The following FARS2 variants were observed in gnomAD, a reference collection of about 807,000 sequenced individuals.
The protein encoded by FARS2 is phenylalanine--tRNA ligase, mitochondrial.
In FARS2, 40 loss-of-function variants were observed where a neutral mutation model predicts 46.4. The ratio of observed to expected loss-of-function variants is 0.86; its 90% CI spans 0.67 to 1.12. The LOEUF (loss-of-function observed/expected upper bound fraction) is 1.12, where lower values mean the gene tolerates loss of function less well. FARS2 is among the 50% of genes most tolerant of loss of function. FARS2 has a pLI of 0.00. For synonymous variants in FARS2, 234 were observed against 214.9 expected (o/e 1.09, Z -0.78); for missense variants, 513 against 567.9 (o/e 0.90, Z 0.98).
chr6:5,444,720 C>A (rs913338178), intron 4 of FARS2, among the ~76,000 whole-genome samples: 1 of 152,090 alleles, frequency 6.6e-6, no homozygotes, highest in Admixed American at 6.5e-5. Context: ...GGTGGGTGGA[C>A]CCCCCACTCC....
chr6:5,713,616 G>A (rs1267479720), intron 6 of FARS2, among the ~76,000 whole-genome samples: 4 of 152,240 alleles, frequency 2.6e-5, no homozygotes, highest in African/African-American at 7.2e-5. Context: ...TCAGGACTCC[G>A]GATTGCTTTG....
chr6:5,416,020 A>G (rs984059627), intron 3 of FARS2, among the ~76,000 whole-genome samples: 1 of 152,048 alleles, frequency 6.6e-6, no homozygotes, highest in Non-Finnish European at 1.5e-5. Context: ...TTATCTTTTT[A>G]TTGATTTTTG....
intron 3 of FARS2, among the ~76,000 whole-genome samples, chr6:5,429,483 G>A (rs979301950): frequency 1.3e-5 from 2 of 151,702 alleles, no homozygotes; most frequent in Admixed American, 6.6e-5. Flanking sequence ...TTTTTTGATG[G>A]GCAGGCAATT....
intron 4 of FARS2, among the ~76,000 whole-genome samples, chr6:5,530,488 G>A (rs1176266315): frequency 6.6e-6 from 1 of 151,840 alleles, no homozygotes; most frequent in Non-Finnish European, 1.5e-5. Flanking sequence ...AGATAAGGTG[G>A]GGTTATTGCA....
intron 5 of FARS2, among the ~76,000 whole-genome samples, chr6:5,589,050 T>C (rs1773774302): frequency 6.6e-6 from 1 of 152,216 alleles, no homozygotes. Context: ...GCCCTCCATG[T>C]CCCAGCTCCA....
intron 6 of FARS2, among the ~76,000 whole-genome samples, chr6:5,759,458 T>G (rs1012481436): frequency 2.6e-5 from 4 of 152,190 alleles, no homozygotes; most frequent in Non-Finnish European, 5.9e-5. Context: ...TTTGTTTTAT[T>G]CCACCATTAG....
intron 6 of FARS2, among the ~76,000 whole-genome samples, chr6:5,614,237 C>G (rs1273324452): frequency 6.6e-6 from 1 of 152,116 alleles, no homozygotes; most frequent in Non-Finnish European, 1.5e-5. Context: ...TTTAAATGGT[C>G]CCCTTTGGCT....
intron 6 of FARS2, among the ~76,000 whole-genome samples, chr6:5,740,841 C>G (rs1761286313): frequency 6.6e-6 from 1 of 152,226 alleles, no homozygotes; most frequent in African/African-American, 2.4e-5. Context: ...TTCCCAGGCT[C>G]CGTCTTTTGT....
intron 4 of FARS2, among the ~76,000 whole-genome samples, chr6:5,478,819 C>T (rs1405610325): frequency 6.6e-6 from 1 of 152,060 alleles, no homozygotes; most frequent in African/African-American, 2.4e-5. Context: ...TCTTGGTGGC[C>T]ACAAAGCAGG....
At chr6:5,684,493 A>G (rs1014987365) in intron 6 of FARS2, among the ~76,000 whole-genome samples, 1 of 152,184 alleles carries the variant, frequency 6.6e-6, no homozygotes, top group East Asian at 1.9e-4. Context: ...TGTTTTCATG[A>G]TCACTGCCCT....
At position 5,444,206 on chromosome 6, in the gene FARS2, A is replaced by T. The variant is rs191310302; in HGVS notation, c.904+13034A>T. Among the ~76,000 whole-genome samples, 5 of 151,906 alleles carry T rather than the reference A, an allele frequency of 3.3e-5. No individual in the cohort carries two copies. In the East Asian group the frequency reaches 5.8e-4, roughly 18 times the overall value. ...AGCGCAGGCTGGGTGCAATGGCTCA[A>T]GCCTGTAATCCGAGCACTTTGGGAG... On this transcript the variant is annotated intron_variant, in intron 4 of 6. Transcript: ENST00000274680.
chr6:5,686,811 C>T (rs955633502), intron 6 of FARS2, among the ~76,000 whole-genome samples: 97 of 152,312 alleles, frequency 6.4e-4, no homozygotes, highest in Non-Finnish European at 8.7e-4. Flanking sequence ...AGTTTACAGT[C>T]CCACCAATAG....
Position 5,621,921 on chromosome 6 carries a change from C to T in FARS2, c.1217+8601C>T, listed in dbSNP as rs541039885. On this transcript the variant is annotated intron_variant, in intron 6 of 6. Transcript: ENST00000274680. ...CCTTCTGCTGGCCAGTCTGTATCCT[C>T]TACTTCCCCACCATACACACATTAA... 4.6e-4 allele frequency among the ~76,000 whole-genome samples: 70 copies of T among 152,340 alleles called. 1 individual carries two copies. The highest frequency in any genetic ancestry group is 7.5e-4 in the Non-Finnish European group (51 of 68,036).
chr6:5,667,533 A>ATT, intron 6 of FARS2, among the ~76,000 whole-genome samples: 1 of 128,040 alleles, frequency 7.8e-6, no homozygotes, highest in African/African-American at 3.0e-5. Flanking sequence ...AAAAAAAAAA[A>ATT]GATTATATTC....
chr6:5,462,477 A>G (rs1462112458), intron 4 of FARS2, among the ~76,000 whole-genome samples: 2 of 152,074 alleles, frequency 1.3e-5, no homozygotes, highest in African/African-American at 4.8e-5. Context: ...AGTCACATAG[A>G]TTCTCCCATA....
chr6:5,725,031 G>A (rs528890692), intron 6 of FARS2, among the ~76,000 whole-genome samples: 8 of 152,306 alleles, frequency 5.3e-5, no homozygotes, highest in South Asian at 2.1e-4. Context: ...CGCTATTACC[G>A]TGTTACCACA....
intron 4 of FARS2, among the ~76,000 whole-genome samples, chr6:5,445,094 A>G (rs1764107329): frequency 6.6e-6 from 1 of 152,218 alleles, no homozygotes; most frequent in Non-Finnish European, 1.5e-5. Flanking sequence ...TTTGTTGTAT[A>G]GCACCACATA....
chr6:5,315,764 T>TTCTTTCTTTCTTCC (rs1769475904), intron 1 of FARS2, among the ~76,000 whole-genome samples: 1 of 152,030 alleles, frequency 6.6e-6, no homozygotes, highest in African/African-American at 2.4e-5. Context: ...CTTTCTTTTT[T>TTCTTTCTTTCTTCC]TTGGGGAGAA....
At chr6:5,306,481 G>T (rs1768711065) in intron 1 of FARS2, among the ~76,000 whole-genome samples, 1 of 152,166 alleles carries the variant, frequency 6.6e-6, no homozygotes, top group South Asian at 2.1e-4. Flanking sequence ...CTCGTAAGCT[G>T]TCAGCAGTTA....
Sources: gnomAD v4.1 joint callset for allele counts (sites outside exome capture counted in the v4.1 genomes callset) on GRCh38, gnomAD v4.1.1 for gene constraint, MANE v1.5 for transcripts, NCBI Gene and HGNC (gene_info 2026-07-23, HGNC 2026-07-21) for gene names.